AFAP1L2: variants seen among roughly 807,000 people sequenced by gnomAD.
AFAP1L2 encodes actin filament associated protein 1 like 2.
Under a neutral mutation model 99.3 loss-of-function variants are expected in AFAP1L2, and 46 were observed. The ratio of observed to expected loss-of-function variants is 0.46; its 90% CI spans 0.37 to 0.59. AFAP1L2 has a LOEUF of 0.59. AFAP1L2 is among the 20% of genes least tolerant of loss of function. The probability of loss-of-function intolerance (pLI) is 0.00; values close to 1 mark genes in which losing one functional copy is unlikely to be tolerated. For missense variants in AFAP1L2, 959 were observed against 1,034.9 expected, an observed-to-expected ratio of 0.93 and a Z score of 1.01; for synonymous variants, 397 against 419.1, an observed-to-expected ratio of 0.95 and a Z score of 0.64.
chr10:114,340,031 A>C (rs2048573860), intron 2 of AFAP1L2, among the ~76,000 whole-genome samples: 1 of 143,812 alleles, frequency 7.0e-6, no homozygotes, highest in African/African-American at 2.6e-5. Context: ...AAAAAGAGAG[A>C]GAGAGATTGG....
intron 1 of AFAP1L2, among the ~76,000 whole-genome samples, chr10:114,381,959 T>C (rs2055686659): frequency 6.6e-6 from 1 of 152,042 alleles, no homozygotes; most frequent in Non-Finnish European, 1.5e-5. Context: ...CAGGAAGAGA[T>C]CCCATAAAGA....
chr10:114,301,506 C>A (rs983350776), intron 12 of AFAP1L2, 41 bp from the exon 13 acceptor site: 1 of 1,477,878 alleles, frequency 6.8e-7, no homozygotes, highest in African/African-American at 1.4e-5. Flanking sequence ...GCAGCCGGGG[C>A]AGGGTGGTGA....
chr10:114,324,011 C>T (rs778262304), intron 4 of AFAP1L2, among the ~76,000 whole-genome samples: 16 of 152,160 alleles, frequency 1.1e-4, no homozygotes, highest in African/African-American at 3.1e-4. Flanking sequence ...TGAGGTTGAA[C>T]GTGTGCAATT....
At chr10:114,282,462 TG>T in the AFAP1L2 span, 1 of 1,402,354 alleles carries the variant, frequency 7.1e-7, no homozygotes, top group South Asian at 1.2e-5. Flanking sequence ...TTCTGTTTTC[TG>T]CCCTCCCCTT....
intron 1 of AFAP1L2, among the ~76,000 whole-genome samples, chr10:114,383,495 A>C (rs2056014905): frequency 6.6e-6 from 1 of 152,178 alleles, no homozygotes; most frequent in Admixed American, 6.5e-5. Context: ...TGGAGGGTGG[A>C]ATTCTAGGGA....
At chr10:114,363,953 G>A (rs2052828168) in intron 1 of AFAP1L2, among the ~76,000 whole-genome samples, 1 of 85,886 alleles carries the variant, frequency 1.2e-5, no homozygotes, top group Non-Finnish European at 2.5e-5. Flanking sequence ...AACAGGATTT[G>A]AGCCAGGATC....
chr10:114,338,820 C>T (rs915023584), intron 2 of AFAP1L2, among the ~76,000 whole-genome samples: 4 of 152,172 alleles, frequency 2.6e-5, no homozygotes, highest in Admixed American at 1.3e-4. Context: ...GTGATCAGGA[C>T]GCAAGGGTAT....
At chr10:114,346,573 G>A (rs538782626) in intron 1 of AFAP1L2, among the ~76,000 whole-genome samples, 1 of 152,296 alleles carries the variant, frequency 6.6e-6, no homozygotes, top group African/African-American at 2.4e-5. Context: ...TCCCTTAGAG[G>A]AATGTGGCTA....
intron 1 of AFAP1L2, among the ~76,000 whole-genome samples, chr10:114,363,965 TA>T (rs5788060): frequency 0.92 from 139,459 of 152,260 alleles, 64,657 homozygotes; most frequent in East Asian, 1. Context: ...GCCAGGATCC[TA>T]AAAGCCCATT....
chr10:114,396,619 C>A (rs1281166694), intron 1 of AFAP1L2, among the ~76,000 whole-genome samples: 1 of 152,206 alleles, frequency 6.6e-6, no homozygotes. Context: ...AATTATCCTG[C>A]AGACTTGATT....
intron 1 of AFAP1L2, among the ~76,000 whole-genome samples, chr10:114,379,200 G>T (rs1490480836): frequency 1.6e-5 from 2 of 125,472 alleles, no homozygotes; most frequent in Admixed American, 8.9e-5. Flanking sequence ...ACGACAGAGT[G>T]AGACTCTGTC....
rs1729300174 is a variant in AFAP1L2 at position 114,299,368 on chromosome 10, T to C, written c.2005A>G (p.Thr669Ala). The C allele has an allele frequency of 6.2e-7, 1 of 1,614,108 alleles. No individual in the cohort carries two copies. Among genetic ancestry groups the C allele is most frequent in the Admixed American group, 1.7e-5 (1 of 60,016 alleles). ...TTTTCAAGCCTCTCCTTCTCCTCTG[T>C]GTACCGCTTCACCTCAGCTTCTGTC... ...NRTEAEVKRY[T>A]EEKERLEKKK... Residue 669 changes from threonine (T) to alanine (A), a missense_variant, in exon 16 of 19, where the codon ACA becomes GCA. Physicochemically the swap from Thr to Ala is moderately conservative, Grantham distance 58 (BLOSUM62 0). Transcript: ENST00000304129.
chr10:114,314,458 T>C (rs757230799), intron 6 of AFAP1L2, among the ~76,000 whole-genome samples: 7 of 152,208 alleles, frequency 4.6e-5, no homozygotes, highest in Non-Finnish European at 1.0e-4. Flanking sequence ...AAAGGATCCA[T>C]AAGGCACAAA....
chr10:114,388,131 C>A (rs192374912), intron 1 of AFAP1L2, among the ~76,000 whole-genome samples: 1 of 152,182 alleles, frequency 6.6e-6, no homozygotes, highest in Admixed American at 6.5e-5. Flanking sequence ...GTCTACCTGG[C>A]GGTGACTTAC....
chr10:114,387,368 T>C (rs2056630458), intron 1 of AFAP1L2, among the ~76,000 whole-genome samples: 1 of 152,102 alleles, frequency 6.6e-6, no homozygotes, highest in Non-Finnish European at 1.5e-5. Flanking sequence ...ACTGATGGGG[T>C]CAGAAAGAGG....
chr10:114,304,064 A>G (rs1174244689), intron 11 of AFAP1L2, among the ~76,000 whole-genome samples: 1 of 152,230 alleles, frequency 6.6e-6, no homozygotes, highest in African/African-American at 2.4e-5. Flanking sequence ...ATGGATGAAT[A>G]TAAGCTACAA....
chr10:114,339,858 A>T lies in AFAP1L2; in HGVS notation c.145+745T>A, dbSNP rs532283478. Among the ~76,000 whole-genome samples the T allele has an allele frequency of 2.6e-5, 4 of 151,862 alleles. No individual in the cohort carries two copies. The East Asian group carries it at 7.8e-4, about 30-fold the overall frequency. ...GTGAAACCCTGTCTACTAAAAATAC[A>T]CAATTAGCTGGGCATGGTGGTGGGC... is the stretch of plus-strand genomic sequence containing the variant. On this transcript the variant is annotated intron_variant, in intron 2 of 18. Transcript: ENST00000304129.
chr10:114,326,024 C>G, intron 4 of AFAP1L2: 1 of 1,184,148 alleles, frequency 8.4e-7, no homozygotes, highest in African/African-American at 2.4e-5. Context: ...CGAGATCTGG[C>G]CCAAGGTCAG....
intron 1 of AFAP1L2, among the ~76,000 whole-genome samples, chr10:114,355,319 A>C (rs7086442): frequency 0.095 from 14,161 of 148,990 alleles, 1,776 homozygotes; most frequent in African/African-American, 0.29. Context: ...CAGTGGCACG[A>C]TCTTGGCTCA....
Sources: allele counts gnomAD v4.1 joint callset (sites outside exome capture counted in the v4.1 genomes callset), GRCh38; gene constraint gnomAD v4.1.1; transcripts MANE v1.5; gene names NCBI Gene and HGNC (gene_info 2026-07-23, HGNC 2026-07-21).